Variants in RCAN1 observed in about 807,000 individuals in gnomAD.
RCAN1 encodes the protein calcipressin-1.
Under a neutral mutation model 22.9 loss-of-function variants are expected in RCAN1, and 11 were observed. The ratio of observed to expected loss-of-function variants is 0.48; its 90% CI spans 0.30 to 0.79. The LOEUF is 0.79. Among genes scored for constraint, RCAN1 ranks in the 30% least tolerant of loss-of-function variants. The pLI is 0.06. For missense variants in RCAN1, 291 were observed against 337.8 expected (o/e 0.86, Z 1.09); for synonymous variants, 136 against 142.3 (o/e 0.96, Z 0.32).
Position 34,563,769 on chromosome 21 carries a change from AAATATAT to A in RCAN1, c.253-40066_253-40060del, listed in dbSNP as rs1438586239. Among the ~76,000 whole-genome samples, 184 of 84,812 alleles carry A rather than the reference AAATATAT, an allele frequency of 2.2e-3. 1 individual carries two copies. The highest frequency in any genetic ancestry group is 9.1e-3 in the African/African-American group (177 of 19,372). 55.6% of individuals were successfully genotyped at this position (84,812 alleles called of 152,430 possible). ...CTAAAAATACCAAAAAAAAAAAAAA[AAATATAT>A]ATATATATATATATATATAGAGAGA... On this transcript the variant is annotated intron_variant, in intron 1 of 3. Coordinates refer to ENST00000313806, the MANE Select transcript of RCAN1 (RefSeq NM_004414.7).
At chr21:34,584,079 C>T (rs1426871124) in intron 1 of RCAN1, among the ~76,000 whole-genome samples, 1 of 152,242 alleles carries the variant, frequency 6.6e-6, no homozygotes, top group East Asian at 1.9e-4. Context: ...TACTTGGATT[C>T]CTGAAGATAG....
chr21:34,599,463 G>A (rs1018229632), intron 1 of RCAN1, among the ~76,000 whole-genome samples: 1 of 152,174 alleles, frequency 6.6e-6, no homozygotes, highest in African/African-American at 2.4e-5. Context: ...GACAGAGTGA[G>A]ACTGTTTCAG....
chr21:34,549,343 C>T (rs2251696), intron 1 of RCAN1, among the ~76,000 whole-genome samples: 36,740 of 152,078 alleles, frequency 0.24, 5,178 homozygotes, highest in African/African-American at 0.39. Context: ...AACCTATGCC[C>T]TTGTATAATT....
At chr21:34,579,757 C>A (rs1249088254) in intron 1 of RCAN1, among the ~76,000 whole-genome samples, 1 of 152,134 alleles carries the variant, frequency 6.6e-6, no homozygotes, top group Non-Finnish European at 1.5e-5. Flanking sequence ...CCCAGTCTCC[C>A]ATTTCCTTCA....
chr21:34,553,085 G>C (rs1986427880), intron 1 of RCAN1, among the ~76,000 whole-genome samples: 1 of 152,210 alleles, frequency 6.6e-6, no homozygotes, highest in African/African-American at 2.4e-5. Flanking sequence ...GAAGCGGCCA[G>C]ACAAGGGGTA....
chr21:34,607,315 A>T (rs1988557695), intron 1 of RCAN1, among the ~76,000 whole-genome samples: 1 of 152,204 alleles, frequency 6.6e-6, no homozygotes, highest in African/African-American at 2.4e-5. Context: ...AAAAGAAAAA[A>T]ATCAGATTAG....
chr21:34,614,619 G>T lies in RCAN1; in HGVS notation c.252+141C>A. ...CGTCCCCACGCCCCAGCCCTGACGG[G>T]TCCGCGGCCGAGCAGCCCGGGGGAC... On this transcript the variant is annotated intron_variant, in intron 1 of 3. Transcript: ENST00000313806. The surrounding 1 kb of genome is among the most constrained non-coding windows in gnomAD (Gnocchi z 6.0). The T allele has an allele frequency of 9.4e-7, 1 of 1,068,300 alleles. No homozygotes were observed. The highest frequency in any genetic ancestry group is 1.2e-6 in the Non-Finnish European group (1 of 867,224). 66.2% of individuals were successfully genotyped at this position (1,068,300 alleles called of 1,614,324 possible).
At chr21:34,595,145 A>G (rs1988104359) in intron 1 of RCAN1, among the ~76,000 whole-genome samples, 1 of 152,244 alleles carries the variant, frequency 6.6e-6, no homozygotes, top group South Asian at 2.1e-4. Context: ...GACAAACACT[A>G]TGGAAAACAG....
At chr21:34,558,379 A>G (rs1170331060) in intron 1 of RCAN1, among the ~76,000 whole-genome samples, 1 of 152,218 alleles carries the variant, frequency 6.6e-6, no homozygotes, top group African/African-American at 2.4e-5. Context: ...AGACCTGTTT[A>G]AGCTGACACC....
At chr21:34,601,817 C>CAAAAAA (rs202036960) in intron 1 of RCAN1, among the ~76,000 whole-genome samples, 2 of 83,378 alleles carry the variant, frequency 2.4e-5, no homozygotes, top group African/African-American at 5.5e-5. Flanking sequence ...GACTCTGTCT[C>CAAAAAA]AAAAAAAAAA....
At chr21:34,596,357 A>T (rs773601029) in intron 1 of RCAN1, among the ~76,000 whole-genome samples, 31 of 152,174 alleles carry the variant, frequency 2.0e-4, no homozygotes, top group Non-Finnish European at 3.7e-4. Flanking sequence ...GGGAAGGCTG[A>T]GGAGACCCAC....
At chr21:34,556,878 G>A (rs1297022991) in intron 1 of RCAN1, among the ~76,000 whole-genome samples, 4 of 152,162 alleles carry the variant, frequency 2.6e-5, no homozygotes, top group African/African-American at 9.7e-5. Context: ...TGCTTTCACT[G>A]CACTCCTGAT....
intron 1 of RCAN1, among the ~76,000 whole-genome samples, chr21:34,583,046 T>G (rs757513040): frequency 2.6e-5 from 4 of 152,156 alleles, no homozygotes; most frequent in African/African-American, 4.8e-5. Context: ...TGAATATAAC[T>G]GAGAGAGCTC....
At chr21:34,553,502 G>A (rs1397278377) in intron 1 of RCAN1, among the ~76,000 whole-genome samples, 2 of 152,142 alleles carry the variant, frequency 1.3e-5, no homozygotes, top group African/African-American at 2.4e-5. Flanking sequence ...CCATACCGTA[G>A]TTTTCCATGG....
Position 34,610,749 on chromosome 21 carries a change from G to A in RCAN1, c.252+4011C>T, listed in dbSNP as rs538637044. 1.7e-4 allele frequency among the ~76,000 whole-genome samples: 26 copies of A among 152,248 alleles called. No homozygotes were observed. The South Asian group carries it at 3.9e-3, about 23-fold the overall frequency. ...TTCAAAGCTCCCTAGAGACTCTGAC[G>A]TGCAGCTAAGGTTGGGAGCACTGCT... On this transcript the variant is annotated intron_variant, in intron 1 of 3. Transcript: ENST00000313806.
chr21:34,547,303 C>G (rs977240599), intron 1 of RCAN1, among the ~76,000 whole-genome samples: 1 of 152,160 alleles, frequency 6.6e-6, no homozygotes, highest in Non-Finnish European at 1.5e-5. Flanking sequence ...CTACTCTTTC[C>G]ACATCACAGC....
intron 1 of RCAN1, among the ~76,000 whole-genome samples, chr21:34,610,142 A>C (rs1251814431): frequency 6.6e-6 from 1 of 152,246 alleles, no homozygotes; most frequent in East Asian, 1.9e-4. Context: ...AATATGCTAC[A>C]ACAGACTGGC....
At chr21:34,528,700 C>G (rs1200996543) in intron 1 of RCAN1, among the ~76,000 whole-genome samples, 1 of 152,314 alleles carries the variant, frequency 6.6e-6, no homozygotes, top group South Asian at 2.1e-4. Flanking sequence ...TTCCCTCCCC[C>G]TCTCCAACTC....
intron 1 of RCAN1, among the ~76,000 whole-genome samples, chr21:34,537,870 T>G (rs1029461614): frequency 6.6e-5 from 10 of 152,180 alleles, no homozygotes; most frequent in African/African-American, 2.4e-4. Context: ...ATCTGGCCCA[T>G]GTATGGGCAC....
Sources: allele counts gnomAD v4.1 joint callset (sites outside exome capture counted in the v4.1 genomes callset), GRCh38; gene constraint gnomAD v4.1.1; non-coding constraint Gnocchi (gnomAD v3.1); transcripts MANE v1.5; gene names NCBI Gene and HGNC (gene_info 2026-07-23, HGNC 2026-07-21).